SOX6: variants seen among roughly 807,000 people sequenced by gnomAD.
SOX6 encodes SRY-box transcription factor 6.
A neutral mutation model predicts 97.8 loss-of-function variants in SOX6; 11 were observed. That is an observed-to-expected ratio of 0.11 (90% CI 0.07 to 0.19). The LOEUF (loss-of-function observed/expected upper bound fraction) is 0.19, where lower values mean the gene tolerates loss of function less well. Among genes scored for constraint, SOX6 ranks in the 10% least tolerant of loss-of-function variants. The pLI, the probability that SOX6 is intolerant of heterozygous loss-of-function variation, is 1.00. For synonymous variants in SOX6, 360 were observed against 371.4 expected (o/e 0.97, Z 0.35); for missense variants, 810 against 1,039.5 (o/e 0.78, Z 3.04).
chr11:16,408,148 A>G (rs1013299339), intron 1 of SOX6, among the ~76,000 whole-genome samples: 1 of 152,180 alleles, frequency 6.6e-6, no homozygotes, highest in Non-Finnish European at 1.5e-5. Context: ...CAAAGCTAAT[A>G]GGTCCATAGA....
intron 4 of SOX6, among the ~76,000 whole-genome samples, chr11:16,200,235 G>A (rs1374942183): frequency 6.6e-6 from 1 of 152,140 alleles, no homozygotes; most frequent in Non-Finnish European, 1.5e-5. Context: ...AGGTTTCTCA[G>A]TTCTTAAATC....
At chr11:16,636,614 G>A (rs528938434) in intron 3 of SOX6, among the ~76,000 whole-genome samples, 15 of 152,202 alleles carry the variant, frequency 9.9e-5, no homozygotes, top group South Asian at 2.1e-4. Flanking sequence ...GGGAGGGCCC[G>A]GGGCAAAATG....
intron 4 of SOX6, among the ~76,000 whole-genome samples, chr11:16,551,189 T>C (rs1847682122): frequency 6.6e-6 from 1 of 151,754 alleles, no homozygotes; most frequent in African/African-American, 2.4e-5. Context: ...TTAAAAAAAT[T>C]TAAAATAAAA....
intron 3 of SOX6, among the ~76,000 whole-genome samples, chr11:16,671,099 A>C (rs1847844979): frequency 6.6e-6 from 1 of 152,246 alleles, no homozygotes; most frequent in South Asian, 2.1e-4. Context: ...AAGATCCTGC[A>C]CAAAGCCTCA....
At chr11:16,371,242 C>T (rs975704634) in intron 1 of SOX6, among the ~76,000 whole-genome samples, 8 of 151,894 alleles carry the variant, frequency 5.3e-5, no homozygotes, top group Non-Finnish European at 1.2e-4. Flanking sequence ...TGCACTGGTC[C>T]CTCCCTCTGC....
rs114722541 is a variant in SOX6 at position 16,635,753 on chromosome 11, C to A, written n.430-23493G>T. ...AGGTCCAGGGCCCCCCTCTTGTGTG[C>A]AGCCTCTGGACTTGGTGTCCTGAAT... On this transcript the variant is annotated intron_variant and non_coding_transcript_variant, in intron 3 of 5. Coordinates refer to the SOX6 transcript ENST00000524520. 6.2e-3 allele frequency among the ~76,000 whole-genome samples: 941 copies of A among 152,268 alleles called. 13 individuals are homozygous for A. The highest frequency in any genetic ancestry group is 0.021 in the African/African-American group (853 of 41,554).
At chr11:16,648,400 T>C (rs1292947645) in intron 3 of SOX6, among the ~76,000 whole-genome samples, 1 of 151,872 alleles carries the variant, frequency 6.6e-6, no homozygotes, top group Admixed American at 6.6e-5. Context: ...CACCTGATGG[T>C]ATTTCCCTAC....
intron 3 of SOX6, among the ~76,000 whole-genome samples, chr11:16,637,053 G>C (rs927568918): frequency 6.6e-6 from 1 of 151,964 alleles, no homozygotes; most frequent in African/African-American, 2.4e-5. Flanking sequence ...TATTTTTGTT[G>C]TTGATTAGTC....
intron 3 of SOX6, among the ~76,000 whole-genome samples, chr11:16,677,806 T>C (rs1847896361): frequency 6.6e-6 from 1 of 152,174 alleles, no homozygotes; most frequent in African/African-American, 2.4e-5. Context: ...TTTGGTAGAA[T>C]TTGCCAGTGA....
chr11:16,101,115 G>C (rs1436313696), intron 7 of SOX6, among the ~76,000 whole-genome samples: 1 of 151,596 alleles, frequency 6.6e-6, no homozygotes, highest in African/African-American at 2.4e-5. Context: ...AGCCATTCTT[G>C]TTACAATATG....
chr11:16,477,179 T>C (rs893579318), upstream of SOX6, among the ~76,000 whole-genome samples: 12 of 152,198 alleles, frequency 7.9e-5, no homozygotes, highest in Non-Finnish European at 1.3e-4. Flanking sequence ...AATGTGAGCA[T>C]GGCTGTGAGT....
At chr11:16,444,866 G>A (rs1419501421) in intron 1 of SOX6, among the ~76,000 whole-genome samples, 4 of 152,226 alleles carry the variant, frequency 2.6e-5, no homozygotes, top group Non-Finnish European at 5.9e-5. Flanking sequence ...GTCTGCCTAA[G>A]TGGGTTACAG....
At chr11:16,519,168 T>C (rs541829665) in intron 4 of SOX6, among the ~76,000 whole-genome samples, 4 of 152,244 alleles carry the variant, frequency 2.6e-5, no homozygotes, top group East Asian at 3.9e-4. Context: ...AAAACATAAA[T>C]GAACTTTCAT....
chr11:16,706,268 A>G (rs1415278185), intron 3 of SOX6, among the ~76,000 whole-genome samples: 1 of 147,020 alleles, frequency 6.8e-6, no homozygotes, highest in East Asian at 2.0e-4. Context: ...AGGAGACCCC[A>G]TTTCTACCAA....
Position 16,107,933 on chromosome 11 carries a change from T to C in SOX6, c.898+3870A>G, listed in dbSNP as rs151258839. Reference sequence around the variant, plus strand: ...GCATTTCCAATGGATAAGGATGTAGTTTAACAGGCTAAAGTTACTCAGTTT... The same window carrying C: ...GCATTTCCAATGGATAAGGATGTAGCTTAACAGGCTAAAGTTACTCAGTTT... On this transcript the variant is annotated intron_variant, in intron 7 of 15. Coordinates refer to ENST00000683767, the MANE Select transcript of SOX6 (RefSeq NM_001367873.1). Among the ~76,000 whole-genome samples, 571 of 152,242 alleles carry C rather than the reference T, an allele frequency of 3.8e-3. 6 individuals are homozygous for C. Among genetic ancestry groups the C allele is most frequent in the Middle Eastern group, 0.031 (9 of 294 alleles).
At chr11:16,130,024 G>A (rs776784355) in intron 6 of SOX6, among the ~76,000 whole-genome samples, 3 of 151,838 alleles carry the variant, frequency 2.0e-5, no homozygotes, top group African/African-American at 7.2e-5. Flanking sequence ...TATTTTATCT[G>A]CAAAAAATAT....
rs183588983 is a variant in SOX6 at position 16,123,562 on chromosome 11, T to C, written c.778-11639A>G. Reference sequence around the variant, plus strand: ...AATCCCAAGTCAAGTAGTCTTCAGGTTTTCAATCTTTATCACAGTCTCGTC... The same window carrying C: ...AATCCCAAGTCAAGTAGTCTTCAGGCTTTCAATCTTTATCACAGTCTCGTC... On this transcript the variant is annotated intron_variant, in intron 6 of 15. Transcript: ENST00000683767. 9.7e-4 allele frequency among the ~76,000 whole-genome samples: 147 copies of C among 151,838 alleles called. 2 individuals carry two copies. The highest frequency in any genetic ancestry group is 1.3e-3 in the Non-Finnish European group (90 of 67,896).
chr11:16,026,289 A>T (rs2133878179), intron 12 of SOX6, among the ~76,000 whole-genome samples: 1 of 152,290 alleles, frequency 6.6e-6, no homozygotes, highest in Admixed American at 6.5e-5. Context: ...GAAAAGCACT[A>T]AAAAACAATG....
At chr11:16,537,843 C>T (rs764344806) in intron 4 of SOX6, among the ~76,000 whole-genome samples, 10 of 152,070 alleles carry the variant, frequency 6.6e-5, no homozygotes, top group Non-Finnish European at 1.2e-4. Flanking sequence ...ACCAAATCTA[C>T]GTTTGATTGG....
Sources: gnomAD v4.1 joint callset for allele counts (sites outside exome capture counted in the v4.1 genomes callset) on GRCh38, gnomAD v4.1.1 for gene constraint, MANE v1.5 for transcripts, NCBI Gene and HGNC (gene_info 2026-07-23, HGNC 2026-07-21) for gene names.